Variants in DHPS observed in about 807,000 individuals in gnomAD.
DHPS encodes the protein deoxyhypusine synthase, also known as migration-inducing gene 13.
DHPS carries 24 observed loss-of-function variants against 38.7 expected under a neutral mutation model. The ratio of observed to expected loss-of-function variants is 0.62; its 90% CI spans 0.45 to 0.87. DHPS has a LOEUF of 0.87. Ranked by LOEUF, DHPS falls within the 40% of genes least tolerant of loss-of-function variation. The pLI is 0.00. For synonymous variants in DHPS, 250 were observed against 204.4 expected (o/e 1.22, Z -1.90); for missense variants, 510 against 497.6 (o/e 1.02, Z -0.24).
rs199804169 is a variant in DHPS, at chr19:12,679,448, G to A, written c.678+9C>T. The A allele has an allele frequency of 9.9e-5, 159 of 1,613,996 alleles. No homozygotes were observed. The East Asian group carries it at 3.5e-3, about 36-fold the overall frequency. ...AGTCTGGCTACTTTGCTCCCGCTTAGGTCCTCACCTTCTGGGCCCAGTAAT... is the reference window on the plus strand; with the variant it reads ...AGTCTGGCTACTTTGCTCCCGCTTAAGTCCTCACCTTCTGGGCCCAGTAAT... On this transcript the variant is annotated intron_variant, in intron 5 of 8. Transcript: ENST00000210060.
intron 2 of DHPS, 52 bp downstream of exon 2, chr19:12,680,109 T>C (rs1287966873): frequency 1.9e-6 from 3 of 1,603,290 alleles, no homozygotes; most frequent in East Asian, 2.2e-5. Context: ...GATCAATAAC[T>C]GCATTGCCCA....
downstream of DHPS, among the ~76,000 whole-genome samples, chr19:12,674,830 T>A (rs1006227630): frequency 3.3e-5 from 5 of 151,934 alleles, no homozygotes; most frequent in African/African-American, 1.2e-4. Context: ...AGAAAAAGAC[T>A]CCCGGCCAGG....
downstream of DHPS, chr19:12,673,051 C>G: frequency 1.2e-6 from 2 of 1,613,780 alleles, no homozygotes; most frequent in Non-Finnish European, 1.7e-6. Context: ...GGCAGTGCAC[C>G]CTGGTGTCCA....
downstream of DHPS, chr19:12,672,873 A>T: frequency 6.3e-7 from 1 of 1,593,994 alleles, no homozygotes; most frequent in Non-Finnish European, 8.5e-7. Flanking sequence ...GTGAGACGCT[A>T]TGACCTAAGG....
At chr19:12,681,435 C>G in intron 1 of DHPS, 125 bp downstream of exon 1, 1 of 1,226,298 alleles carries the variant, frequency 8.2e-7, no homozygotes, top group Non-Finnish European at 1.1e-6. Flanking sequence ...CGCCTTCCTC[C>G]AACTATTGGG....
In DHPS at chr19:12,681,583, C is replaced by T; in HGVS notation, c.184G>A (p.Ala62Thr). 1 of 1,614,272 alleles carries T rather than the reference C, an allele frequency of 6.2e-7. No individual in the cohort carries two copies. Among genetic ancestry groups the T allele is most frequent in the Non-Finnish European group, 8.5e-7 (1 of 1,180,056 alleles). Residue 62 changes from alanine (A) to threonine (T), a missense_variant, in exon 1 of 9, where the codon GCT (alanine) becomes ACT (threonine). By Grantham distance (58) the Ala-to-Thr change is moderately conservative. Coordinates refer to ENST00000210060, the MANE Select transcript of DHPS (RefSeq NM_001930.4). ...TGFQATNFGRAVQQVNAMIEK... is the reference protein window; with the variant it reads ...TGFQATNFGRTVQQVNAMIEK... ...ACCATGGCATTGACTTGCTGTACAG[C>T]GCGCCCGAAGTTGGTTGCTTGGAAG...
chr19:12,673,169 A>G, downstream of DHPS: 2 of 1,612,724 alleles, frequency 1.2e-6, no homozygotes, highest in South Asian at 2.2e-5. Context: ...ACCCCTGGAG[A>G]GGACCAAGCC....
chr19:12,677,087 C>T (rs201819675), intron 7 of DHPS, 21 bp downstream of exon 7: 484 of 1,610,300 alleles, frequency 3.0e-4, no homozygotes, highest in Non-Finnish European at 3.2e-4. Flanking sequence ...CAGAGTGGGC[C>T]GAAGCGCCAC....
downstream of DHPS, chr19:12,673,349 A>G: frequency 2.7e-6 from 4 of 1,468,832 alleles, no homozygotes; most frequent in Non-Finnish European, 3.7e-6. Flanking sequence ...TCATACCTAG[A>G]TGCCTGCCCC....
chr19:12,681,589 C>G lies in DHPS; in HGVS notation c.178G>C (p.Gly60Arg), dbSNP rs758071039. Reference protein sequence around the residue: ...GTTGFQATNFGRAVQQVNAMI... With the variant: ...GTTGFQATNFRRAVQQVNAMI... ...GCATTGACTTGCTGTACAGCGCGCC[C>G]GAAGTTGGTTGCTTGGAAGCCGGTG... is the stretch of plus-strand genomic sequence containing the variant. The change falls in exon 1 of 9, where the codon GGG (glycine) becomes CGG (arginine). Residue 60 changes from glycine (G) to arginine (R), a missense_variant. Transcript: ENST00000210060. 6 of 1,614,134 alleles carry G rather than the reference C, an allele frequency of 3.7e-6. No homozygotes were observed. In the African/African-American group the frequency reaches 8.0e-5, roughly 22 times the overall value.
chr19:12,675,618 C>A (rs149199108), downstream of DHPS: 594 of 1,603,632 alleles, frequency 3.7e-4, 2 homozygotes, highest in Non-Finnish European at 4.7e-4. Context: ...CCATGGGAGG[C>A]AGCGTCCAGT....
chr19:12,673,704 C>T (rs111376087), downstream of DHPS, among the ~76,000 whole-genome samples: 3,493 of 152,012 alleles, frequency 0.023, 50 homozygotes, highest in Non-Finnish European at 0.035. Flanking sequence ...GCGTAAGCCA[C>T]CACACCCGGC....
chr19:12,675,936 G>C lies in DHPS; in HGVS notation c.1015-3C>G. 2 of 1,604,420 alleles carry C rather than the reference G, an allele frequency of 1.2e-6. No individual in the cohort carries two copies. The highest frequency in any genetic ancestry group is 1.7e-6 in the Non-Finnish European group (2 of 1,174,446). ...ACCAGGGAGGCGTCAGCATAGACCT[G>C]GGTAGGGGGGAACCTGGGTAAGCCA... is the stretch of plus-strand genomic sequence containing the variant. On this transcript the variant is annotated splice_polypyrimidine_tract_variant and splice_region_variant and intron_variant, in intron 8 of 8. Transcript: ENST00000210060.
chr19:12,672,682 T>C (rs1320856449), downstream of DHPS: 2 of 663,788 alleles, frequency 3.0e-6, no homozygotes, highest in Non-Finnish European at 5.3e-6. Context: ...TTGGAAATGA[T>C]GGAGTAGGAC....
At chr19:12,676,250 G>A in intron 7 of DHPS, 108 bp from the exon 8 acceptor site, 1 of 1,364,294 alleles carries the variant, frequency 7.3e-7, no homozygotes, top group Non-Finnish European at 9.7e-7. Flanking sequence ...CCAGATGAAG[G>A]AAGCCCTTCA....
downstream of DHPS, among the ~76,000 whole-genome samples, chr19:12,674,219 T>C (rs539776191): frequency 6.6e-6 from 1 of 152,222 alleles, no homozygotes; most frequent in African/African-American, 2.4e-5. Flanking sequence ...TAACCTTGGG[T>C]GAGATAGGGC....
intron 1 of DHPS, among the ~76,000 whole-genome samples, chr19:12,680,680 C>G (rs1221093111): frequency 2.7e-5 from 4 of 150,648 alleles, no homozygotes; most frequent in African/African-American, 4.9e-5. Context: ...ACTACAGGCG[C>G]GCACCACCAT....
chr19:12,679,774 C>G, intron 3 of DHPS, 27 bp downstream of exon 3: 1 of 1,614,054 alleles, frequency 6.2e-7, no homozygotes, highest in Non-Finnish European at 8.5e-7. Context: ...TCCAGCTCCC[C>G]TGCCCAACAC....
At chr19:12,680,038 A>G in intron 2 of DHPS, 116 bp from the exon 3 acceptor site, 2 of 1,554,688 alleles carry the variant, frequency 1.3e-6, no homozygotes, top group Non-Finnish European at 1.7e-6. Context: ...CTGCTACAAA[A>G]CAAAACTTGA....
Sources: allele counts gnomAD v4.1 joint callset (sites outside exome capture counted in the v4.1 genomes callset), GRCh38; gene constraint gnomAD v4.1.1; transcripts MANE v1.5; gene names NCBI Gene and HGNC (gene_info 2026-07-23, HGNC 2026-07-21).